Variants in TEP1 observed in about 807,000 individuals in gnomAD.
The protein encoded by TEP1 is telomerase protein component 1.
In TEP1, 241 loss-of-function variants were observed where a neutral mutation model predicts 306.3. The ratio of observed to expected loss-of-function variants is 0.79; its 90% CI spans 0.71 to 0.88. The LOEUF is 0.88. Ranked by LOEUF, TEP1 falls within the 40% of genes least tolerant of loss-of-function variation. TEP1 has a pLI of 0.00. For synonymous variants in TEP1, 1,289 were observed against 1,305.5 expected (o/e 0.99, Z 0.27); for missense variants, 3,051 against 3,276.1 (o/e 0.93, Z 1.68).
intron 10 of TEP1, among the ~76,000 whole-genome samples, chr14:20,396,297 C>T (rs1878201411): frequency 1.3e-5 from 2 of 152,188 alleles, no homozygotes; most frequent in South Asian, 2.1e-4. Flanking sequence ...CGCAAAACCC[C>T]ATCTCTATAA....
chr14:20,384,424 A>G lies in TEP1; in HGVS notation c.3306T>C (p.Asp1102=). The change falls in exon 23 of 55, where the codon GAT becomes GAC. Residue 1102 remains aspartate (D), a synonymous_variant. Transcript: ENST00000262715. ...AGAGCTTCTGGATCATATTCCATAC[A>G]TCCTGCAGAACCAACTGCCCAAACT... The part of the protein sequence containing the change: ...LEEFGQLVLQ[D]VWNMIQKLYL... 1 of 1,613,966 alleles carries G rather than the reference A, an allele frequency of 6.2e-7. No individual in the cohort carries two copies. The highest frequency in any genetic ancestry group is 8.5e-7 in the Non-Finnish European group (1 of 1,180,004).
rs769080917 is a variant in TEP1, at chr14:20,369,809, C to CT, written c.7318-31dup. 10 of 1,565,556 alleles carry CT rather than the reference C, an allele frequency of 6.4e-6. No homozygotes were observed. In the Admixed American group the frequency reaches 1.7e-4, roughly 26 times the overall value. ...GAAAGAATAGGTAATTTTGTTTAGC[C>CT]TACCCATATGAGTCAACTTGTACCA... On this transcript the variant is annotated intron_variant, in intron 51 of 54. Coordinates refer to ENST00000262715, the MANE Select transcript of TEP1 (RefSeq NM_007110.5).
At chr14:20,372,362 ATGTGTGTGTGTGTGTGTATGTGTGTGTG>A (rs1442153814) in intron 49 of TEP1, among the ~76,000 whole-genome samples, 1 of 135,006 alleles carries the variant, frequency 7.4e-6, no homozygotes, top group Non-Finnish European at 1.6e-5. Context: ...CCCCAGGAAT[ATGTGTGTGTGTGTGTGTATGTGTGTGTG>A]TGTGTGTGTG....
chr14:20,376,248 C>G lies in TEP1; in HGVS notation c.6105G>C (p.Gln2035His). Reference protein sequence around the residue: ...LASASEDFTVQLWPRQLLTRP... With the variant: ...LASASEDFTVHLWPRQLLTRP... ...GCGTCAGCAGCTGCCTTGGCCACAG[C>G]TGCACTGTGAAATCCTCTGCATTGG... Residue 2035 changes from glutamine to histidine, a missense_variant, in exon 42 of 55, where the codon CAG becomes CAC. This residue lies in a region of TEP1 where 1,540 missense variants were observed against 1,705.9 expected (regional missense o/e 0.90). Coordinates refer to ENST00000262715, the MANE Select transcript of TEP1 (RefSeq NM_007110.5). The G allele has an allele frequency of 2.5e-6, 4 of 1,613,518 alleles. No homozygotes were observed. Among genetic ancestry groups the G allele is most frequent in the Non-Finnish European group, 2.5e-6 (3 of 1,179,872 alleles).
intron 44 of TEP1, 142 bp downstream of exon 44, chr14:20,374,287 G>A: frequency 1.8e-6 from 1 of 567,276 alleles, no homozygotes; most frequent in South Asian, 2.5e-5. Context: ...AGAGATGGGG[G>A]GTCTTCCTAT....
intron 12 of TEP1, among the ~76,000 whole-genome samples, chr14:20,393,078 G>A (rs777271954): frequency 3.3e-5 from 5 of 152,034 alleles, no homozygotes; most frequent in East Asian, 3.9e-4. Flanking sequence ...TTAGCCGGGC[G>A]TGGTGGTGGG....
At position 20,391,725 on chromosome 14, in the gene TEP1, C is replaced by G. The variant is rs1290178120; in HGVS notation, c.1971G>C (p.Gln657His). The G allele has an allele frequency of 2.5e-6, 4 of 1,614,218 alleles. No individual in the cohort carries two copies. The South Asian group carries it at 4.4e-5, about 18-fold the overall frequency. The change falls in exon 13 of 55, where the codon CAG becomes CAC. Residue 657 changes from glutamine (Q) to histidine (H), a missense_variant. Coordinates refer to ENST00000262715, the MANE Select transcript of TEP1 (RefSeq NM_007110.5). ...YDGEMLNRYRQALETAVNLSV... is the reference protein window; with the variant it reads ...YDGEMLNRYRHALETAVNLSV... Reference sequence around the variant, plus strand: ...AGAGGTTCACAGCTGTCTCTAGGGCCTGTCGGTACCTGTTCAGCATCTCAC... The same window carrying G: ...AGAGGTTCACAGCTGTCTCTAGGGCGTGTCGGTACCTGTTCAGCATCTCAC...
At chr14:20,398,973 C>T (rs1594365671) in intron 9 of TEP1, among the ~76,000 whole-genome samples, 1 of 152,038 alleles carries the variant, frequency 6.6e-6, no homozygotes, top group Admixed American at 6.6e-5. Context: ...CTCGCTGCAA[C>T]CTCCACTTTC....
chr14:20,372,905 G>A (rs758767770), intron 48 of TEP1, 48 bp from the exon 49 acceptor site: 2 of 1,613,484 alleles, frequency 1.2e-6, no homozygotes, highest in Non-Finnish European at 8.5e-7. Flanking sequence ...GAGCCAGGAT[G>A]CACCATCTTT....
intron 2 of TEP1, 150 bp downstream of exon 2, chr14:20,407,723 C>T: frequency 1.4e-6 from 1 of 697,518 alleles, no homozygotes; most frequent in South Asian, 1.9e-5. Flanking sequence ...TGAAGATGGT[C>T]CTGCAACAAA....
At position 20,401,282 on chromosome 14, in the gene TEP1, T is replaced by C. The variant is rs1054793632; in HGVS notation, c.1392-141A>G. On this transcript the variant is annotated intron_variant, in intron 8 of 54. Coordinates refer to ENST00000262715, the MANE Select transcript of TEP1 (RefSeq NM_007110.5). ...CTCAGAAAAGGAAAGGTGAGTCATG[T>C]TTACAGGTGAGTCAGAAAAGGAAAG... The C allele has an allele frequency of 8.0e-5, 110 of 1,376,192 alleles. No homozygotes were observed. In the South Asian group the frequency reaches 1.5e-3, roughly 18 times the overall value. The allele number at this position is 1,376,192 out of a possible 1,614,324, so 85.2% of individuals were successfully genotyped here.
chr14:20,402,116 A>G (rs1343431775), intron 7 of TEP1, among the ~76,000 whole-genome samples: 6 of 151,964 alleles, frequency 3.9e-5, no homozygotes, highest in Admixed American at 3.3e-4. Context: ...GACCAGTCTG[A>G]CCAACATGGT....
Position 20,410,599 on chromosome 14 carries a change from CT to C in TEP1, c.-24-2137del, listed in dbSNP as rs35446613. Among the ~76,000 whole-genome samples the C allele has an allele frequency of 9.4e-3, 1,310 of 138,726 alleles. 18 individuals are homozygous for C. Among genetic ancestry groups the C allele is most frequent in the African/African-American group, 0.028 (1,048 of 37,578 alleles). 91.0% of individuals were successfully genotyped at this position (138,726 alleles called of 152,430 possible). On this transcript the variant is annotated intron_variant, in intron 1 of 54. Coordinates refer to ENST00000262715, the MANE Select transcript of TEP1 (RefSeq NM_007110.5). ...CACTATGCCCAGCTGATTTTTTTTT[CT>C]TTTTTTTTTTTTGTATTTTTAGTAA...
At position 20,368,103 on chromosome 14, in the gene TEP1, AGGGTCCTAG is replaced by A. The variant is rs1884582803; in HGVS notation, c.*325_*333del. ...CTCCTCCTGGCAAGAATGGCATCCT[AGGGTCCTAG>A]GGCCCGCGAGTGATGCAAGAATTCT... On this transcript the variant is annotated 3_prime_UTR_variant, in exon 55 of 55. Coordinates refer to ENST00000262715, the MANE Select transcript of TEP1 (RefSeq NM_007110.5). 5.4e-6 allele frequency: 1 copy of A among 183,598 alleles called. No homozygotes were observed. The highest frequency in any genetic ancestry group is 2.4e-5 in the African/African-American group (1 of 42,296). 11.4% of individuals were successfully genotyped at this position (183,598 alleles called of 1,614,324 possible).
chr14:20,373,922 G>A lies in TEP1; in HGVS notation c.6472-112C>T, dbSNP rs868294955. The A allele has an allele frequency of 9.2e-6, 13 of 1,415,446 alleles. No individual in the cohort carries two copies. In the South Asian group the frequency reaches 1.3e-4, roughly 15 times the overall value. 87.7% of individuals were successfully genotyped at this position (1,415,446 alleles called of 1,614,324 possible). ...TAGGAGCATGGAAGATGTCAATGAG[G>A]GAGGAGAACTCAGGAACAGTGGGGT... On this transcript the variant is annotated intron_variant, in intron 44 of 54. Coordinates refer to ENST00000262715, the MANE Select transcript of TEP1 (RefSeq NM_007110.5).
At chr14:20,412,350 ATCCTTAAAAGGACAG>A (rs2139228855) in intron 1 of TEP1, among the ~76,000 whole-genome samples, 1 of 152,282 alleles carries the variant, frequency 6.6e-6, no homozygotes, top group East Asian at 1.9e-4. Context: ...AGACTGTCCT[ATCCTTAAAAGGACAG>A]TCTCACTATT....
intron 52 of TEP1, 24 bp from the exon 53 acceptor site, chr14:20,369,600 G>C (rs1459387298): frequency 6.2e-7 from 1 of 1,613,748 alleles, no homozygotes; most frequent in Non-Finnish European, 8.5e-7. Context: ...GACAGAATTA[G>C]AGCCAAGTCT....
At chr14:20,386,746 C>T in intron 18 of TEP1, 123 bp from the exon 19 acceptor site, 1 of 1,109,584 alleles carries the variant, frequency 9.0e-7, no homozygotes, top group Non-Finnish European at 1.2e-6. Flanking sequence ...CAGATGGGTG[C>T]CCAGCAGGCC....
At chr14:20,403,275 C>A in intron 7 of TEP1, 102 bp downstream of exon 7, 1 of 1,445,218 alleles carries the variant, frequency 6.9e-7, no homozygotes, top group South Asian at 1.3e-5. Flanking sequence ...CCAAGAATCC[C>A]CAGGAAGAAA....
Sources: gnomAD v4.1 joint callset for allele counts (sites outside exome capture counted in the v4.1 genomes callset) on GRCh38, gnomAD v4.1.1 for gene constraint, gnomAD v4.1.1 regional missense constraint, MANE v1.5 for transcripts, NCBI Gene and HGNC (gene_info 2026-07-23, HGNC 2026-07-21) for gene names.